CDYL: variants seen among roughly 807,000 people sequenced by gnomAD.
CDYL encodes chromodomain Y-like protein.
In CDYL, 8 loss-of-function variants were observed where a neutral mutation model predicts 47.3. The observed-to-expected ratio is 0.17, with a 90% CI of 0.10 to 0.31. CDYL has a LOEUF of 0.31. Ranked by LOEUF, CDYL falls within the 10% of genes least tolerant of loss-of-function variation. CDYL has a pLI of 1.00. For synonymous variants in CDYL, 266 were observed against 265.0 expected (o/e 1.00, Z -0.04); for missense variants, 471 against 701.4 (o/e 0.67, Z 3.71).
intron 2 of CDYL, among the ~76,000 whole-genome samples, chr6:4,916,022 G>C (rs375539008): frequency 1.3e-5 from 2 of 150,638 alleles, no homozygotes; most frequent in African/African-American, 4.9e-5. Context: ...TCCCCACCCC[G>C]CCACCCCATC....
exon 1 of CDYL, chr6:4,706,251 G>A (rs1757043566): frequency 6.6e-6 from 1 of 152,190 alleles, no homozygotes; most frequent in African/African-American, 2.4e-5. Context: ...GAACTAAGCA[G>A]GTAGGAATGG....
intron 1 of CDYL, among the ~76,000 whole-genome samples, chr6:4,827,867 C>G (rs1760022660): frequency 6.6e-6 from 1 of 152,172 alleles, no homozygotes; most frequent in Non-Finnish European, 1.5e-5. Flanking sequence ...GTTGACTAGG[C>G]TGGTCTCAAA....
intron 1 of CDYL, among the ~76,000 whole-genome samples, chr6:4,778,333 G>A (rs1358457117): frequency 6.6e-6 from 1 of 152,200 alleles, no homozygotes; most frequent in African/African-American, 2.4e-5. Context: ...GATGAGAGTA[G>A]CACCTTATAC....
chr6:4,816,460 G>A (rs573812127), intron 1 of CDYL, among the ~76,000 whole-genome samples: 3 of 150,186 alleles, frequency 2.0e-5, no homozygotes, highest in African/African-American at 7.3e-5. Context: ...TATTGTTACA[G>A]AAGAAGCAGT....
chr6:4,890,075 G>C (rs914162653), intron 1 of CDYL: 1 of 985,332 alleles, frequency 1.0e-6, no homozygotes, highest in African/African-American at 1.7e-5. Context: ...AAGCAAACGG[G>C]AATACTCTGG....
intron 2 of CDYL, among the ~76,000 whole-genome samples, chr6:4,894,911 GTA>G (rs1466218976): frequency 7.8e-6 from 1 of 127,670 alleles, no homozygotes; most frequent in Non-Finnish European, 1.7e-5. Context: ...ACGTACGTGT[GTA>G]TATATACACA....
Position 4,814,046 on chromosome 6 carries a change from T to C in CDYL, c.24+37239T>C, listed in dbSNP as rs148509613. Among the ~76,000 whole-genome samples the C allele has an allele frequency of 2.6e-5, 4 of 152,106 alleles. No individual in the cohort carries two copies. In the East Asian group the frequency reaches 7.7e-4, roughly 29 times the overall value. ...CCACCCACCTTGGCCTCTCAAAGCA[T>C]TGGGATTACAGGATAAGCCACTGCA... On this transcript the variant is annotated intron_variant, in intron 1 of 6. Transcript: ENST00000397588.
chr6:4,723,198 A>G (rs1757404480), intron 2 of CDYL, among the ~76,000 whole-genome samples: 1 of 152,204 alleles, frequency 6.6e-6, no homozygotes, highest in South Asian at 2.1e-4. Flanking sequence ...CATAGCATTT[A>G]CATGGCAGTA....
chr6:4,790,035 T>C (rs578035102), intron 1 of CDYL, among the ~76,000 whole-genome samples: 51 of 152,342 alleles, frequency 3.3e-4, no homozygotes, highest in Non-Finnish European at 6.8e-4. Context: ...GACATCATCC[T>C]GTCAGGGTTT....
At chr6:4,820,924 A>AACCATGTGACAC (rs1227975893) in intron 1 of CDYL, among the ~76,000 whole-genome samples, 5 of 152,204 alleles carry the variant, frequency 3.3e-5, no homozygotes, top group Non-Finnish European at 7.3e-5. Flanking sequence ...TCACATCTGG[A>AACCATGTGACAC]ATGTGACATC....
At chr6:4,939,398 C>T (rs1216847251) in intron 4 of CDYL, among the ~76,000 whole-genome samples, 1 of 152,146 alleles carries the variant, frequency 6.6e-6, no homozygotes, top group Non-Finnish European at 1.5e-5. Flanking sequence ...AGTCCTGGAA[C>T]CCACACCTCT....
At chr6:4,707,815 T>C (rs1050703246) in intron 1 of CDYL, among the ~76,000 whole-genome samples, 4 of 152,200 alleles carry the variant, frequency 2.6e-5, no homozygotes, top group African/African-American at 9.7e-5. Flanking sequence ...TTAACTTTTT[T>C]GTTAATTAAT....
intron 1 of CDYL, among the ~76,000 whole-genome samples, chr6:4,855,179 A>G (rs1760969934): frequency 6.6e-6 from 1 of 152,248 alleles, no homozygotes; most frequent in Non-Finnish European, 1.5e-5. Context: ...AATGGATTCT[A>G]AAAAGAGAAC....
At chr6:4,911,117 C>T (rs1757402123) in intron 2 of CDYL, among the ~76,000 whole-genome samples, 1 of 152,176 alleles carries the variant, frequency 6.6e-6, no homozygotes, top group Admixed American at 6.5e-5. Flanking sequence ...TGAGCCACTG[C>T]GCCCAGCCGA....
At chr6:4,724,058 TGAGA>T (rs143047242) in intron 2 of CDYL, among the ~76,000 whole-genome samples, 5 of 152,162 alleles carry the variant, frequency 3.3e-5, no homozygotes, top group Non-Finnish European at 4.4e-5. Flanking sequence ...TGTGCGCGTT[TGAGA>T]GAGTCTTGCT....
intron 1 of CDYL, among the ~76,000 whole-genome samples, chr6:4,713,620 C>G (rs1175624632): frequency 7.0e-6 from 1 of 143,740 alleles, no homozygotes; most frequent in Non-Finnish European, 1.5e-5. Flanking sequence ...CAGAATCTTG[C>G]TGCGTTGCCC....
chr6:4,872,321 T>A (rs200520585), intron 1 of CDYL, among the ~76,000 whole-genome samples: 1,813 of 102,868 alleles, frequency 0.018, 39 homozygotes, highest in African/African-American at 0.066. Context: ...TGTTTTGATT[T>A]GGCTTTTTTT....
intron 3 of CDYL, among the ~76,000 whole-genome samples, chr6:4,768,928 C>A (rs998787833): frequency 2.0e-5 from 3 of 152,126 alleles, no homozygotes; most frequent in African/African-American, 7.2e-5. Context: ...CACAAAAGCC[C>A]AGTCAAATCA....
At chr6:4,736,889 C>T (rs556860602) in intron 3 of CDYL, among the ~76,000 whole-genome samples, 7 of 152,160 alleles carry the variant, frequency 4.6e-5, no homozygotes, top group Non-Finnish European at 7.4e-5. Context: ...CTTTGTTTAT[C>T]GATATAGTGG....
Sources: allele counts gnomAD v4.1 joint callset (sites outside exome capture counted in the v4.1 genomes callset), GRCh38; gene constraint gnomAD v4.1.1; transcripts MANE v1.5; gene names NCBI Gene and HGNC (gene_info 2026-07-23, HGNC 2026-07-21).